The following GRM5 variants were observed in gnomAD, a reference collection of about 807,000 sequenced individuals.
GRM5 encodes the protein metabotropic glutamate receptor 5.
GRM5 carries 19 observed loss-of-function variants against 83.1 expected under a neutral mutation model. That is an observed-to-expected ratio of 0.23 (90% CI 0.16 to 0.34). The LOEUF is 0.34. GRM5 is among the 10% of genes least tolerant of loss of function. The probability of loss-of-function intolerance (pLI) is 1.00; values close to 1 mark genes in which losing one functional copy is unlikely to be tolerated. For missense variants in GRM5, 1,160 were observed against 1,588.3 expected (o/e 0.73, Z 4.58); for synonymous variants, 675 against 633.6 (o/e 1.07, Z -0.98).
intron 8 of GRM5, among the ~76,000 whole-genome samples, chr11:88,544,686 C>A (rs970912539): frequency 6.6e-6 from 1 of 152,206 alleles, no homozygotes; most frequent in African/African-American, 2.4e-5. Context: ...TTTCCTGCTC[C>A]TACAGTCCCC....
intron 2 of GRM5, among the ~76,000 whole-genome samples, chr11:89,040,997 C>T (rs576338900): frequency 6.6e-6 from 1 of 152,214 alleles, no homozygotes; most frequent in African/African-American, 2.4e-5. Flanking sequence ...AAACATCTCA[C>T]AGCATGCCCT....
At chr11:88,883,617 CAAG>C (rs1266122682) in intron 2 of GRM5, among the ~76,000 whole-genome samples, 1 of 152,096 alleles carries the variant, frequency 6.6e-6, no homozygotes, top group Non-Finnish European at 1.5e-5. Flanking sequence ...GCATAAGTAA[CAAG>C]AAGTCAAATA....
At chr11:88,530,344 T>C (rs1264876406) in intron 8 of GRM5, among the ~76,000 whole-genome samples, 1 of 152,046 alleles carries the variant, frequency 6.6e-6, no homozygotes, top group Admixed American at 6.6e-5. Context: ...CTTTAGTTTA[T>C]AGGCCAGAAG....
At chr11:88,667,369 C>A (rs1339250484) in intron 3 of GRM5, among the ~76,000 whole-genome samples, 1 of 151,928 alleles carries the variant, frequency 6.6e-6, no homozygotes, top group Admixed American at 6.6e-5. Context: ...AATGTGCAAC[C>A]AGCATGAAAC....
chr11:88,958,361 AAATAT>A (rs988604963), intron 2 of GRM5, among the ~76,000 whole-genome samples: 121 of 151,740 alleles, frequency 8.0e-4, no homozygotes, highest in African/African-American at 2.6e-3. Flanking sequence ...AATACCCTGA[AAATAT>A]AATATAAAAA....
chr11:88,898,030 G>T (rs959088405), intron 2 of GRM5, among the ~76,000 whole-genome samples: 5 of 152,052 alleles, frequency 3.3e-5, no homozygotes, highest in African/African-American at 1.2e-4. Context: ...GAGGCTAGAA[G>T]AACAAATTGC....
At position 88,562,760 on chromosome 11, in the gene GRM5, C is replaced by G. The variant is rs538364198; in HGVS notation, c.2630+4293G>C. ...TGGATTATCTAACAAACACCTGACA[C>G]GCCATTTTTTCTTTCCATTTCCATG... On this transcript the variant is annotated intron_variant, in intron 8 of 9. Transcript: ENST00000305447. Among the ~76,000 whole-genome samples the G allele has an allele frequency of 6.0e-4, 91 of 152,112 alleles. 1 individual carries two copies. In the South Asian group the frequency reaches 0.012, roughly 19 times the overall value.
chr11:88,803,076 G>C (rs1200906397), intron 3 of GRM5, among the ~76,000 whole-genome samples: 9 of 141,692 alleles, frequency 6.4e-5, no homozygotes, highest in Non-Finnish European at 1.3e-4. Context: ...CTCATGGGTA[G>C]GAAGAATCAA....
At chr11:88,763,780 C>T (rs149400252) in intron 3 of GRM5, among the ~76,000 whole-genome samples, 318 of 151,212 alleles carry the variant, frequency 2.1e-3, no homozygotes, top group African/African-American at 6.4e-3. Context: ...AAATTTGTCA[C>T]GATAAAAAAT....
At chr11:88,999,567 T>C (rs1409785178) in intron 2 of GRM5, among the ~76,000 whole-genome samples, 1 of 152,058 alleles carries the variant, frequency 6.6e-6, no homozygotes, top group Non-Finnish European at 1.5e-5. Context: ...AGAATGGTGA[T>C]CATTAAAAAG....
chr11:88,887,507 T>G (rs1476366685), intron 2 of GRM5, among the ~76,000 whole-genome samples: 1 of 152,096 alleles, frequency 6.6e-6, no homozygotes, highest in Non-Finnish European at 1.5e-5. Flanking sequence ...CTAGAGCCAC[T>G]TGGGTGAGTG....
chr11:88,984,972 T>C (rs542467174), intron 2 of GRM5: 3 of 555,842 alleles, frequency 5.4e-6, no homozygotes, highest in African/African-American at 3.8e-5. Context: ...CACAGTATTA[T>C]GTGTATCATC....
chr11:88,644,089 T>G (rs1186763645), intron 4 of GRM5, among the ~76,000 whole-genome samples: 1 of 152,214 alleles, frequency 6.6e-6, no homozygotes, highest in Non-Finnish European at 1.5e-5. Context: ...ACTTTTAGTA[T>G]TTTTGATTTA....
intron 3 of GRM5, among the ~76,000 whole-genome samples, chr11:88,701,784 T>C (rs1004567105): frequency 2.0e-5 from 3 of 152,126 alleles, no homozygotes; most frequent in Admixed American, 6.6e-5. Context: ...AAAACTTTTC[T>C]AAAAACTTGG....
chr11:89,021,028 G>T (rs1940970615), intron 2 of GRM5, among the ~76,000 whole-genome samples: 1 of 152,114 alleles, frequency 6.6e-6, no homozygotes, highest in African/African-American at 2.4e-5. Flanking sequence ...TTTGACCACA[G>T]TCCCCTCATT....
chr11:88,834,206 C>T (rs974006135), intron 3 of GRM5, among the ~76,000 whole-genome samples: 1 of 151,922 alleles, frequency 6.6e-6, no homozygotes, highest in African/African-American at 2.4e-5. Flanking sequence ...CTCATTCTGA[C>T]TGTAAAAAAA....
chr11:88,643,190 G>T (rs1040404088), intron 4 of GRM5, among the ~76,000 whole-genome samples: 1 of 152,100 alleles, frequency 6.6e-6, no homozygotes, highest in Non-Finnish European at 1.5e-5. Flanking sequence ...TTTACTCATT[G>T]CAGAAGGCAG....
chr11:88,783,144 T>A (rs890620618), intron 3 of GRM5, among the ~76,000 whole-genome samples: 1 of 152,128 alleles, frequency 6.6e-6, no homozygotes, highest in Admixed American at 6.6e-5. Flanking sequence ...TCTACACTTT[T>A]AAAAGGGAGA....
intron 2 of GRM5, chr11:88,925,651 C>A: frequency 2.4e-6 from 1 of 425,130 alleles, no homozygotes; most frequent in Non-Finnish European, 4.7e-6. Context: ...GTGGCTCATG[C>A]CCATAATCCC....
Sources: allele counts gnomAD v4.1 joint callset (sites outside exome capture counted in the v4.1 genomes callset), GRCh38; gene constraint gnomAD v4.1.1; transcripts MANE v1.5; gene names NCBI Gene and HGNC (gene_info 2026-07-23, HGNC 2026-07-21).